CYRIA: variants seen among roughly 807,000 people sequenced by gnomAD.
The protein encoded by CYRIA is CYFIP-related Rac1 interactor A.
In CYRIA, 15 loss-of-function variants were observed where a neutral mutation model predicts 43.9. The observed-to-expected ratio is 0.34, with a 90% CI of 0.23 to 0.53. The LOEUF (loss-of-function observed/expected upper bound fraction) is 0.53. CYRIA is among the 20% of genes least tolerant of loss of function. The pLI, the probability that CYRIA is intolerant of heterozygous loss-of-function variation, is 0.94. For synonymous variants in CYRIA, 117 were observed against 136.0 expected, an observed-to-expected ratio of 0.86 and a Z score of 0.97; for missense variants, 236 against 394.2, an observed-to-expected ratio of 0.60 and a Z score of 3.40.
chr2:16,575,660 C>A (rs1307498062), intron 3 of CYRIA, among the ~76,000 whole-genome samples: 1 of 151,956 alleles, frequency 6.6e-6, no homozygotes, highest in South Asian at 2.1e-4. Context: ...TTGAGACCAT[C>A]CTGGCTAACA....
At position 16,563,889 on chromosome 2, in the gene CYRIA, G is replaced by A. The variant is rs1666835613; in HGVS notation, c.298+100C>T. 14 of 745,662 alleles carry A rather than the reference G, an allele frequency of 1.9e-5. No homozygotes were observed. The East Asian group carries it at 3.6e-4, about 19-fold the overall frequency. The allele number at this position is 745,662 out of a possible 1,614,324, so 46.2% of individuals were successfully genotyped here. On this transcript the variant is annotated intron_variant, in intron 5 of 11. Transcript: ENST00000381323. ...CTCTCATTTGATACAGTGGATGGAT[G>A]TGGGACATTTTCCAATATGCCACGC...
At chr2:16,652,776 G>A (rs764167538) in intron 1 of CYRIA, among the ~76,000 whole-genome samples, 3 of 152,020 alleles carry the variant, frequency 2.0e-5, no homozygotes, top group Non-Finnish European at 2.9e-5. Context: ...GTTAATCCCC[G>A]GGGATTCTGA....
At position 16,565,238 on chromosome 2, in the gene CYRIA, C is replaced by CG. The variant is rs1280995449; in HGVS notation, c.192+407dup. Among the ~76,000 whole-genome samples, 4 of 149,412 alleles carry CG rather than the reference C, an allele frequency of 2.7e-5. No homozygotes were observed. In the East Asian group the frequency reaches 7.9e-4, roughly 30 times the overall value. On this transcript the variant is annotated intron_variant, in intron 4 of 11. Coordinates refer to ENST00000381323, the MANE Select transcript of CYRIA (RefSeq NM_030797.4). ...TTGCCCAGGCTGGAGTGCAATGGTG[C>CG]GATGTGCAACCTCAGCTCACTGAAA...
intron 2 of CYRIA, among the ~76,000 whole-genome samples, chr2:16,614,746 G>A (rs1471306139): frequency 3.3e-5 from 5 of 152,204 alleles, no homozygotes; most frequent in Admixed American, 6.5e-5. Context: ...GAGACGGAGC[G>A]TAGAGACACC....
chr2:16,574,050 T>A (rs1234019465), intron 3 of CYRIA, among the ~76,000 whole-genome samples: 1 of 152,200 alleles, frequency 6.6e-6, no homozygotes, highest in Non-Finnish European at 1.5e-5. Context: ...AGAGACTTGC[T>A]GAATAGCTTT....
rs1669941122 is a variant in CYRIA at position 16,650,374 on chromosome 2, T to G, written c.-167+15406A>C. On this transcript the variant is annotated intron_variant, in intron 1 of 11. Transcript: ENST00000381323. This position sits in a 1 kb window ranked among gnomAD's most constrained non-coding sequence, Gnocchi z 4.1. The stretch of plus-strand genomic sequence containing the variant: ...TACTCAGCTGAATGAGTATATAGTA[T>G]AAAACAAGACTGACTCACTTCAATA... 6.6e-6 allele frequency among the ~76,000 whole-genome samples: 1 copy of G among 152,172 alleles called. No homozygotes were observed. The highest frequency in any genetic ancestry group is 2.4e-5 in the African/African-American group (1 of 41,432).
chr2:16,597,172 AGGTGT>A (rs1387858404), intron 2 of CYRIA, among the ~76,000 whole-genome samples: 4 of 101,838 alleles, frequency 3.9e-5, no homozygotes, highest in Admixed American at 9.6e-5. Flanking sequence ...ATTTTGGAAT[AGGTGT>A]GGTGTGGTGC....
chr2:16,663,309 A>T (rs980321592), intron 1 of CYRIA, among the ~76,000 whole-genome samples: 2 of 152,226 alleles, frequency 1.3e-5, no homozygotes, highest in African/African-American at 4.8e-5. Flanking sequence ...TATATGAGTG[A>T]ACTGACTTTC....
Position 16,551,175 on chromosome 2 carries a change from C to T in CYRIA, c.*1761G>A, listed in dbSNP as rs1404802606. 4 of 152,104 alleles carry T rather than the reference C, an allele frequency of 2.6e-5. No homozygotes were observed. Among genetic ancestry groups the T allele is most frequent in the African/African-American group, 9.7e-5 (4 of 41,438 alleles). 9.4% of individuals were successfully genotyped at this position (152,104 alleles called of 1,614,324 possible). ...CCTGTCACTTGGCTGAACTCCCTTGCTAAAACAACATAAGACAAGTATTTT... is the reference window on the plus strand; with the variant it reads ...CCTGTCACTTGGCTGAACTCCCTTGTTAAAACAACATAAGACAAGTATTTT... On this transcript the variant is annotated 3_prime_UTR_variant, in exon 12 of 12. Coordinates refer to ENST00000381323, the MANE Select transcript of CYRIA (RefSeq NM_030797.4).
At position 16,606,127 on chromosome 2, in the gene CYRIA, T is replaced by C. The variant is rs1013230656; in HGVS notation, c.-11+17737A>G. Among the ~76,000 whole-genome samples, 11 of 152,286 alleles carry C rather than the reference T, an allele frequency of 7.2e-5. No individual in the cohort carries two copies. In the South Asian group the frequency reaches 2.3e-3, roughly 32 times the overall value. The stretch of plus-strand genomic sequence containing the variant: ...CCAGCTCCAGGCCCATCAATCCAAG[T>C]GAATGTCCCACAAGCATAGCCATTC... On this transcript the variant is annotated intron_variant, in intron 2 of 11. Coordinates refer to ENST00000381323, the MANE Select transcript of CYRIA (RefSeq NM_030797.4).
intron 3 of CYRIA, among the ~76,000 whole-genome samples, chr2:16,567,593 T>A (rs1412146537): frequency 1.3e-5 from 2 of 152,052 alleles, no homozygotes; most frequent in Admixed American, 1.3e-4. Context: ...CCGGAGCCCA[T>A]GGAGATTTTT....
intron 2 of CYRIA, among the ~76,000 whole-genome samples, chr2:16,615,474 G>T (rs938482339): frequency 1.3e-5 from 2 of 152,186 alleles, no homozygotes; most frequent in African/African-American, 4.8e-5. Context: ...AGCCCCCACT[G>T]CAGGCTGGGC....
intron 2 of CYRIA, among the ~76,000 whole-genome samples, chr2:16,593,943 G>T (rs1427736804): frequency 9.1e-6 from 1 of 110,470 alleles, no homozygotes; most frequent in African/African-American, 3.5e-5. Context: ...TGATCTCATT[G>T]TTCAATTCCC....
At chr2:16,663,057 C>G (rs13012255) in intron 1 of CYRIA, among the ~76,000 whole-genome samples, 2,303 of 152,372 alleles carry the variant, frequency 0.015, 31 homozygotes, top group Middle Eastern at 0.024. Flanking sequence ...GAGGATGCCT[C>G]TAACCCTGAG....
In CYRIA at chr2:16,588,111, G is replaced by T; in HGVS notation, c.9C>A (p.Asn3Lys). ...TTTCCCTGGTAAGGACTTTGAGCAG[G>T]TTTCCCATCCCAGCAAACCTAGGAA... Reference protein sequence around the residue: MGNLLKVLTREIE... With the variant: MGKLLKVLTREIE... Residue 3 changes from asparagine to lysine, a missense_variant, in exon 3 of 12, where the codon AAC becomes AAA. Asn to Lys is a moderately conservative substitution (Grantham distance 94, BLOSUM62 0). Around this residue, in one of 3 missense-constraint regions of CYRIA, gnomAD observed 193 missense variants for 303.9 expected, o/e 0.64. Transcript: ENST00000381323. 6.2e-7 allele frequency: 1 copy of T among 1,604,982 alleles called. No individual in the cohort carries two copies. Among genetic ancestry groups the T allele is most frequent in the Non-Finnish European group, 8.5e-7 (1 of 1,175,492 alleles).
At chr2:16,638,608 T>G (rs1470832534) in intron 1 of CYRIA, among the ~76,000 whole-genome samples, 2 of 152,028 alleles carry the variant, frequency 1.3e-5, no homozygotes, top group Non-Finnish European at 2.9e-5. Context: ...AATTGATGGG[T>G]TGGACTGGGA....
At chr2:16,615,328 G>A (rs888575) in intron 2 of CYRIA, among the ~76,000 whole-genome samples, 28,746 of 152,126 alleles carry the variant, frequency 0.19, 4,154 homozygotes, top group East Asian at 0.85. Flanking sequence ...ACCAGTGGTC[G>A]TTTTAGGATT....
At chr2:16,604,601 A>G (rs2103481743) in intron 2 of CYRIA, among the ~76,000 whole-genome samples, 1 of 152,384 alleles carries the variant, frequency 6.6e-6, no homozygotes, top group African/African-American at 2.4e-5. Context: ...CTTACAATAT[A>G]TCAATAGGTG....
At chr2:16,659,224 C>A (rs1375862061) in intron 1 of CYRIA, among the ~76,000 whole-genome samples, 2 of 152,204 alleles carry the variant, frequency 1.3e-5, no homozygotes, top group Non-Finnish European at 2.9e-5. Flanking sequence ...CTCCATGCTC[C>A]TCACATATGC....
Sources: allele counts gnomAD v4.1 joint callset (sites outside exome capture counted in the v4.1 genomes callset), GRCh38; gene constraint gnomAD v4.1.1; regional missense constraint gnomAD v4.1.1; non-coding constraint Gnocchi (gnomAD v3.1); transcripts MANE v1.5; gene names NCBI Gene and HGNC (gene_info 2026-07-23, HGNC 2026-07-21).